NOVA2: variants seen among roughly 807,000 people sequenced by gnomAD.
The protein encoded by NOVA2 is NOVA alternative splicing regulator 2.
NOVA2 carries 9 observed loss-of-function variants against 22.5 expected under a neutral mutation model. That is an observed-to-expected ratio of 0.40 (90% CI 0.24 to 0.70). NOVA2 has a LOEUF of 0.70. NOVA2 is among the 30% of genes least tolerant of loss of function. The pLI, the probability that NOVA2 is intolerant of heterozygous loss-of-function variation, is 0.38. For synonymous variants in NOVA2, 318 were observed against 335.2 expected (o/e 0.95, Z 0.56); for missense variants, 383 against 682.8 (o/e 0.56, Z 4.89).
chr19:45,945,251 T>G (rs1186566605), intron 3 of NOVA2, among the ~76,000 whole-genome samples: 1 of 151,086 alleles, frequency 6.6e-6, no homozygotes, highest in Non-Finnish European at 1.5e-5. Flanking sequence ...CAGTGAGCTA[T>G]AACAGGTGCC....
intron 1 of NOVA2, among the ~76,000 whole-genome samples, chr19:45,962,890 C>T (rs922336190): frequency 2.0e-5 from 3 of 152,070 alleles, no homozygotes; most frequent in Admixed American, 2.0e-4. Context: ...TCAAGTGATC[C>T]GCCCACCTCG....
chr19:45,971,975 G>A (rs981480848), intron 1 of NOVA2, among the ~76,000 whole-genome samples: 1 of 151,730 alleles, frequency 6.6e-6, no homozygotes, highest in Non-Finnish European at 1.5e-5. Context: ...ACTGCCTTCC[G>A]TGGTGTCAAA....
At chr19:45,970,406 C>A (rs192352060) in intron 1 of NOVA2, among the ~76,000 whole-genome samples, 2 of 148,760 alleles carry the variant, frequency 1.3e-5, no homozygotes, top group Non-Finnish European at 3.0e-5. Context: ...GATGGCGTTT[C>A]GCTCTGTTGC....
chr19:45,966,921 A>C (rs1466381171), intron 1 of NOVA2, among the ~76,000 whole-genome samples: 1 of 152,200 alleles, frequency 6.6e-6, no homozygotes, highest in East Asian at 1.9e-4. Flanking sequence ...CGTTGCTAAC[A>C]ATTGGAGCTT....
intron 1 of NOVA2, among the ~76,000 whole-genome samples, chr19:45,970,380 GT>G (rs34361192): frequency 0.77 from 109,856 of 142,504 alleles, 42,114 homozygotes; most frequent in East Asian, 0.87. Context: ...TTTTTTGTTG[GT>G]TTTTTTTTTT....
chr19:45,961,105 C>A lies in NOVA2; in HGVS notation c.134G>T (p.Gly45Val). The change falls in exon 2 of 4, where the codon GGC becomes GTC. Residue 45 changes from glycine (G) to valine (V), a missense_variant. Physicochemically the swap from Gly to Val is moderately radical, Grantham distance 109 (BLOSUM62 -3). Coordinates refer to ENST00000263257, the MANE Select transcript of NOVA2 (RefSeq NM_002516.4). The stretch of plus-strand genomic sequence containing the variant: ...CTGCCCGCCCTTGCCAATGATGGAG[C>A]CCGCCGCGTAGCTGGGGATCAGCAC... ...LKVLIPSYAA[G>V]SIIGKGGQTI... The A allele has an allele frequency of 1.3e-6, 2 of 1,594,352 alleles. No individual in the cohort carries two copies. The highest frequency in any genetic ancestry group is 8.5e-7 in the Non-Finnish European group (1 of 1,170,468).
intron 3 of NOVA2, among the ~76,000 whole-genome samples, chr19:45,943,295 A>T (rs985370912): frequency 2.6e-5 from 4 of 151,330 alleles, no homozygotes; most frequent in Non-Finnish European, 5.9e-5. Flanking sequence ...GCCTCAAGTG[A>T]TCCAGCCACC....
chr19:45,973,014 C>A (rs118096920), intron 1 of NOVA2, among the ~76,000 whole-genome samples: 9,707 of 141,822 alleles, frequency 0.068, 399 homozygotes, highest in East Asian at 0.14. Flanking sequence ...CCATCTTCTG[C>A]GCCCCCCAAG....
chr19:45,949,586 G>C (rs531011197), intron 3 of NOVA2, among the ~76,000 whole-genome samples: 20 of 152,256 alleles, frequency 1.3e-4, no homozygotes, highest in African/African-American at 4.8e-4. Context: ...ACTTCTCAGA[G>C]CCTCTTTTTC....
At chr19:45,959,554 T>C (rs1362969140) in intron 2 of NOVA2, among the ~76,000 whole-genome samples, 1 of 151,952 alleles carries the variant, frequency 6.6e-6, no homozygotes, top group Non-Finnish European at 1.5e-5. Context: ...TATCCATATC[T>C]TGTGGGCTAC....
At chr19:45,963,839 C>T (rs1968131003) in intron 1 of NOVA2, among the ~76,000 whole-genome samples, 2 of 152,078 alleles carry the variant, frequency 1.3e-5, no homozygotes, top group African/African-American at 4.8e-5. Context: ...CCCCCTCAGT[C>T]AATATCTTTT....
intron 2 of NOVA2, among the ~76,000 whole-genome samples, chr19:45,954,751 T>G (rs1185000077): frequency 2.5e-5 from 3 of 119,974 alleles, no homozygotes; most frequent in African/African-American, 6.5e-5. Context: ...TGTTAGGGAG[T>G]GGGGGCACGG....
chr19:45,943,086 C>T (rs1466616499), intron 3 of NOVA2, among the ~76,000 whole-genome samples: 1 of 145,530 alleles, frequency 6.9e-6, no homozygotes, highest in Admixed American at 7.0e-5. Context: ...CGGAGTCTCA[C>T]TGTGTCACCC....
chr19:45,945,175 T>G (rs768608833), intron 3 of NOVA2, among the ~76,000 whole-genome samples: 4 of 151,900 alleles, frequency 2.6e-5, no homozygotes. Context: ...GATGCAGTGG[T>G]GTGCACCTGT....
intron 3 of NOVA2, among the ~76,000 whole-genome samples, chr19:45,948,265 G>A (rs1047175559): frequency 6.6e-6 from 1 of 152,112 alleles, no homozygotes; most frequent in Non-Finnish European, 1.5e-5. Flanking sequence ...AGGGCATCAT[G>A]TATGTGTGCA....
At chr19:45,945,913 C>G (rs535372872) in intron 3 of NOVA2, among the ~76,000 whole-genome samples, 3 of 147,170 alleles carry the variant, frequency 2.0e-5, no homozygotes, top group Admixed American at 6.8e-5. Context: ...CAGCTCAATG[C>G]AACCTCCACC....
chr19:45,961,255 A>C, intron 1 of NOVA2, 102 bp from the exon 2 acceptor site: 1 of 683,860 alleles, frequency 1.5e-6, no homozygotes, highest in Non-Finnish European at 2.5e-6. Flanking sequence ...AGCAGTATGG[A>C]GAATAATACA....
At chr19:45,958,382 T>A (rs527517632) in intron 2 of NOVA2, among the ~76,000 whole-genome samples, 1 of 151,628 alleles carries the variant, frequency 6.6e-6, no homozygotes, top group Admixed American at 6.6e-5. Context: ...TGAGAGTGTG[T>A]GTGTGTGGGA....
At chr19:45,959,147 C>T (rs1473125413) in intron 2 of NOVA2, among the ~76,000 whole-genome samples, 2 of 152,164 alleles carry the variant, frequency 1.3e-5, no homozygotes, top group Non-Finnish European at 2.9e-5. Flanking sequence ...CAGGGTGTCA[C>T]GCCAGGAGTG....
Sources: gnomAD v4.1 joint callset for allele counts (sites outside exome capture counted in the v4.1 genomes callset) on GRCh38, gnomAD v4.1.1 for gene constraint, MANE v1.5 for transcripts, NCBI Gene and HGNC (gene_info 2026-07-23, HGNC 2026-07-21) for gene names.